The following AOPEP variants were observed in gnomAD, a reference collection of about 807,000 sequenced individuals.
AOPEP encodes aminopeptidase O (putative).
A neutral mutation model predicts 98.1 loss-of-function variants in AOPEP; 77 were observed. The observed-to-expected ratio is 0.78, with a 90% confidence interval of 0.65 to 0.95. The LOEUF is 0.95. Ranked by LOEUF, AOPEP falls within the 40% of genes least tolerant of loss-of-function variation. AOPEP has a pLI of 0.00. For synonymous variants in AOPEP, 346 were observed against 365.3 expected (o/e 0.95, Z 0.60); for missense variants, 1,024 against 1,024.7 (o/e 1.00, Z 0.01).
At chr9:95,113,000 TCAATCACAGGGTGGGCTGTTTATGCCAC>T in the AOPEP span, among the ~76,000 whole-genome samples, 5 of 152,304 alleles carry the variant, frequency 3.3e-5, no homozygotes, top group South Asian at 1.0e-3. Context: ...ACAACATGTC[TCAATCACAGGGTGGGCTGTTTATGCCAC>T]CTGCATCTAC....
chr9:95,087,161 A>G (rs1482248332), downstream of AOPEP: 1 of 156,600 alleles, frequency 6.4e-6, no homozygotes, highest in East Asian at 1.9e-4. Context: ...TTTTTTGTAT[A>G]CGTGTTTGCT....
At chr9:94,821,936 C>T (rs929671546) in intron 5 of AOPEP, among the ~76,000 whole-genome samples, 1 of 150,828 alleles carries the variant, frequency 6.6e-6, no homozygotes, top group Non-Finnish European at 1.5e-5. Flanking sequence ...ACAAAATTAA[C>T]ATAAGCCATA....
At chr9:94,869,971 A>ATTTTTTTTTTTT (rs10556167) in intron 5 of AOPEP, among the ~76,000 whole-genome samples, 1 of 93,552 alleles carries the variant, frequency 1.1e-5, no homozygotes, top group African/African-American at 4.4e-5. Context: ...GAAGCCATGA[A>ATTTTTTTTTTTT]TTTTTTTTTT....
At chr9:94,829,259 A>G (rs1588433667) in intron 5 of AOPEP, among the ~76,000 whole-genome samples, 1 of 152,248 alleles carries the variant, frequency 6.6e-6, no homozygotes, top group Non-Finnish European at 1.5e-5. Flanking sequence ...ATACATATAA[A>G]AAAGCTAGCT....
chr9:94,993,785 C>G (rs954931403), intron 11 of AOPEP, among the ~76,000 whole-genome samples: 1 of 152,152 alleles, frequency 6.6e-6, no homozygotes, highest in Non-Finnish European at 1.5e-5. Flanking sequence ...CTTCACAATT[C>G]AGTTCTTCTT....
At chr9:94,926,278 C>G (rs1231315998) in intron 6 of AOPEP, among the ~76,000 whole-genome samples, 2 of 152,160 alleles carry the variant, frequency 1.3e-5, no homozygotes, top group African/African-American at 4.8e-5. Flanking sequence ...TAAATATTGT[C>G]AGAATTCCGA....
At chr9:94,973,747 G>A (rs111257736) in intron 10 of AOPEP, among the ~76,000 whole-genome samples, 73 of 152,350 alleles carry the variant, frequency 4.8e-4, no homozygotes, top group African/African-American at 1.7e-3. Context: ...ATGGGTCTGT[G>A]TACTTTTAGC....
At chr9:95,115,086 G>T in the AOPEP span, among the ~76,000 whole-genome samples, 2 of 152,108 alleles carry the variant, frequency 1.3e-5, no homozygotes, top group African/African-American at 4.8e-5. Context: ...GACTACAGGG[G>T]TGCACCACCA....
chr9:94,732,840 G>A (rs12684703), intron 1 of AOPEP, among the ~76,000 whole-genome samples: 33,169 of 152,086 alleles, frequency 0.22, 5,098 homozygotes, highest in African/African-American at 0.43. Flanking sequence ...ATTACATTCT[G>A]GCAGTTGCTC....
chr9:94,928,662 G>T, intron 7 of AOPEP, 131 bp downstream of exon 7: 1 of 633,994 alleles, frequency 1.6e-6, no homozygotes, highest in Non-Finnish European at 2.8e-6. Flanking sequence ...TTGTCCCCCA[G>T]ATGTGATGGT....
At chr9:95,092,368 T>G in the AOPEP span, among the ~76,000 whole-genome samples, 1 of 151,924 alleles carries the variant, frequency 6.6e-6, no homozygotes, top group African/African-American at 2.4e-5. Context: ...ACCCTGGCAG[T>G]CGCTGAGTGG....
At chr9:94,740,767 C>T (rs939173405) in intron 1 of AOPEP, among the ~76,000 whole-genome samples, 4 of 152,174 alleles carry the variant, frequency 2.6e-5, no homozygotes, top group Admixed American at 6.5e-5. Flanking sequence ...GGTCCATATC[C>T]GGCTTCATCA....
At chr9:94,799,420 G>A (rs918423762) in intron 4 of AOPEP, among the ~76,000 whole-genome samples, 3 of 149,836 alleles carry the variant, frequency 2.0e-5, no homozygotes, top group Admixed American at 2.0e-4. Flanking sequence ...AAAAAAAAAA[G>A]GCTGGATGTG....
chr9:94,877,382 C>A (rs750211697), intron 5 of AOPEP, among the ~76,000 whole-genome samples: 15 of 151,450 alleles, frequency 9.9e-5, no homozygotes, highest in Non-Finnish European at 2.2e-4. Context: ...GGGTGTATAG[C>A]CACATTTAGT....
chr9:94,949,930 AT>A (rs1281865207), intron 7 of AOPEP, among the ~76,000 whole-genome samples: 1 of 152,190 alleles, frequency 6.6e-6, no homozygotes, highest in Non-Finnish European at 1.5e-5. Context: ...GGCTCTTGAA[AT>A]TTGTTGTTTC....
At chr9:94,910,221 C>T (rs1195128556) in intron 5 of AOPEP, among the ~76,000 whole-genome samples, 1 of 152,238 alleles carries the variant, frequency 6.6e-6, no homozygotes, top group Admixed American at 6.5e-5. Flanking sequence ...CCAGAGCCCT[C>T]CCTGGCAGAT....
chr9:94,806,196 T>C (rs1057469203), intron 5 of AOPEP, among the ~76,000 whole-genome samples: 1 of 152,234 alleles, frequency 6.6e-6, no homozygotes, highest in Non-Finnish European at 1.5e-5. Context: ...TCACCATGGC[T>C]GCCAACTTCT....
rs370992474 is a variant in AOPEP, at chr9:94,762,425, C to T, written c.797+1845C>T. Among the ~76,000 whole-genome samples the T allele has an allele frequency of 6.1e-5, 9 of 148,692 alleles. 1 individual carries two copies. In the East Asian group the frequency reaches 7.9e-4, roughly 13 times the overall value. ...TCGTGCCACTGCACTCCAGCCTGGG[C>T]GACAGAGTGAGACTCCGTCTCAAAA... On this transcript the variant is annotated intron_variant, in intron 2 of 16. Coordinates refer to ENST00000375315, the MANE Select transcript of AOPEP (RefSeq NM_001193329.3).
intron 3 of AOPEP, 104 bp downstream of exon 3, chr9:94,773,272 T>G (rs1841295650): frequency 9.3e-7 from 1 of 1,078,456 alleles, no homozygotes; most frequent in Admixed American, 2.3e-5. Context: ...CTTTATTAGT[T>G]GGGTTGGAAA....
Sources: gnomAD v4.1 joint callset for allele counts (sites outside exome capture counted in the v4.1 genomes callset) on GRCh38, gnomAD v4.1.1 for gene constraint, MANE v1.5 for transcripts, NCBI Gene and HGNC (gene_info 2026-07-23, HGNC 2026-07-21) for gene names.